Variants in CSMD1 observed in about 807,000 individuals in gnomAD.
CSMD1 encodes the protein CUB and Sushi multiple domains 1.
A neutral mutation model predicts 417.5 loss-of-function variants in CSMD1; 213 were observed. The ratio of observed to expected loss-of-function variants is 0.51; its 90% CI spans 0.46 to 0.57. The LOEUF (loss-of-function observed/expected upper bound fraction) is 0.57, where lower values mean the gene tolerates loss of function less well. CSMD1 is among the 20% of genes least tolerant of loss of function. The probability of loss-of-function intolerance (pLI) is 0.00; values close to 1 mark genes in which losing one functional copy is unlikely to be tolerated. For missense variants in CSMD1, 6,923 were observed against 4,529.7 expected (o/e 1.53, Z -15.17); for synonymous variants, 2,862 against 1,736.8 (o/e 1.65, Z -16.11).
rs74332673 is a variant in CSMD1 at position 4,943,217 on chromosome 8, C to G, written c.85+51115G>C. On this transcript the variant is annotated intron_variant, in intron 1 of 69. Transcript: ENST00000635120. The stretch of plus-strand genomic sequence containing the variant: ...TTGCACTTTATTTGAAAATCATGGC[C>G]GGGTGCAGTGGCTCATGCTTGTAAT... 2.0e-5 allele frequency among the ~76,000 whole-genome samples: 3 copies of G among 152,064 alleles called. No individual in the cohort carries two copies. In the South Asian group the frequency reaches 6.2e-4, roughly 31 times the overall value.
chr8:4,475,418 C>G lies in CSMD1; in HGVS notation c.303-55353G>C, dbSNP rs573896281. On this transcript the variant is annotated intron_variant, in intron 2 of 69. Coordinates refer to ENST00000635120, the MANE Select transcript of CSMD1 (RefSeq NM_033225.6). ...TCCTGAAAACTTGTTGAGTGTTTCTCTTTTTTAATATTCACCTGTGGCATC... is the reference window on the plus strand; with the variant it reads ...TCCTGAAAACTTGTTGAGTGTTTCTGTTTTTTAATATTCACCTGTGGCATC... Among the ~76,000 whole-genome samples the G allele has an allele frequency of 3.9e-5, 6 of 152,110 alleles. No individual in the cohort carries two copies. In the South Asian group the frequency reaches 6.2e-4, roughly 16 times the overall value.
At chr8:4,892,008 A>C (rs12541573) in intron 1 of CSMD1, among the ~76,000 whole-genome samples, 1,765 of 152,150 alleles carry the variant, frequency 0.012, 43 homozygotes, top group African/African-American at 0.04. Flanking sequence ...TAAACACTGT[A>C]ATGAGAGCAC....
chr8:3,831,885 AT>A (rs1203092787), intron 5 of CSMD1, among the ~76,000 whole-genome samples: 2 of 152,176 alleles, frequency 1.3e-5, no homozygotes, highest in East Asian at 3.9e-4. Flanking sequence ...AGGTCATACA[AT>A]ATGGTAACCC....
chr8:4,099,926 C>T (rs1317138335), intron 3 of CSMD1, among the ~76,000 whole-genome samples: 2 of 152,106 alleles, frequency 1.3e-5, no homozygotes, highest in South Asian at 4.1e-4. Context: ...AAAAAATCAA[C>T]AACAACAACA....
At chr8:4,737,670 G>T (rs915530845) in intron 1 of CSMD1, among the ~76,000 whole-genome samples, 1 of 152,118 alleles carries the variant, frequency 6.6e-6, no homozygotes, top group South Asian at 2.1e-4. Context: ...AGACAGGTTG[G>T]ATGAATGCAA....
At chr8:4,244,160 G>C (rs535023346) in intron 3 of CSMD1, among the ~76,000 whole-genome samples, 2 of 152,180 alleles carry the variant, frequency 1.3e-5, no homozygotes, top group Non-Finnish European at 2.9e-5. Flanking sequence ...GCTACAGGCA[G>C]CTCTGCAAGT....
chr8:3,176,514 T>C (rs1820945898), intron 37 of CSMD1, among the ~76,000 whole-genome samples: 1 of 152,134 alleles, frequency 6.6e-6, no homozygotes, highest in African/African-American at 2.4e-5. Context: ...TTCAAACCCC[T>C]AAGACCCTTA....
chr8:4,606,525 G>A (rs1056327645), intron 2 of CSMD1, among the ~76,000 whole-genome samples: 2 of 152,224 alleles, frequency 1.3e-5, no homozygotes, highest in East Asian at 1.9e-4. Context: ...AGACAACAGC[G>A]GCCAATGGCA....
chr8:4,860,510 A>C (rs1385468371), intron 1 of CSMD1, among the ~76,000 whole-genome samples: 1 of 151,876 alleles, frequency 6.6e-6, no homozygotes, highest in African/African-American at 2.4e-5. Context: ...CATGAGTAAA[A>C]GCTCTCTGAG....
intron 3 of CSMD1, among the ~76,000 whole-genome samples, chr8:4,079,343 T>C (rs1223620166): frequency 6.6e-6 from 1 of 152,166 alleles, no homozygotes; most frequent in Non-Finnish European, 1.5e-5. Context: ...TGGAACGAAA[T>C]ATACTTTCCA....
chr8:4,618,684 G>C (rs1210921512), intron 2 of CSMD1, among the ~76,000 whole-genome samples: 2 of 152,042 alleles, frequency 1.3e-5, no homozygotes, highest in East Asian at 1.9e-4. Flanking sequence ...CATCACTCTA[G>C]CTAAAATATT....
intron 3 of CSMD1, among the ~76,000 whole-genome samples, chr8:4,085,489 A>T (rs1168027576): frequency 1.3e-5 from 2 of 152,220 alleles, no homozygotes; most frequent in Non-Finnish European, 2.9e-5. Context: ...AACCCCTTGG[A>T]TACTCCAATT....
At chr8:4,988,374 C>T (rs1460109677) in intron 1 of CSMD1, among the ~76,000 whole-genome samples, 1 of 152,148 alleles carries the variant, frequency 6.6e-6, no homozygotes, top group Non-Finnish European at 1.5e-5. Context: ...CAAGCTAAAA[C>T]TAGTTCAGGA....
intron 1 of CSMD1, among the ~76,000 whole-genome samples, chr8:4,841,241 G>T (rs909574246): frequency 6.6e-6 from 1 of 152,312 alleles, no homozygotes; most frequent in Non-Finnish European, 1.5e-5. Context: ...CAAGTGCAAT[G>T]GCATGTTTCA....
intron 3 of CSMD1, among the ~76,000 whole-genome samples, chr8:4,039,377 G>A (rs975372284): frequency 6.6e-6 from 1 of 152,168 alleles, no homozygotes; most frequent in African/African-American, 2.4e-5. Context: ...CTCTCTCCTG[G>A]CTTTGGGAAG....
intron 12 of CSMD1, among the ~76,000 whole-genome samples, chr8:3,419,253 C>A (rs1052230490): frequency 8.5e-5 from 13 of 152,204 alleles, no homozygotes; most frequent in African/African-American, 2.7e-4. Flanking sequence ...TTACAATCTG[C>A]ACCAACCAGA....
At chr8:4,300,536 A>G (rs1797927032) in intron 3 of CSMD1, among the ~76,000 whole-genome samples, 1 of 151,928 alleles carries the variant, frequency 6.6e-6, no homozygotes, top group East Asian at 1.9e-4. Context: ...TTTTTTTTAC[A>G]TTTTATTATT....
At chr8:3,920,608 G>C (rs374697275) in intron 5 of CSMD1, among the ~76,000 whole-genome samples, 1 of 152,040 alleles carries the variant, frequency 6.6e-6, no homozygotes, top group South Asian at 2.1e-4. Context: ...CATTAGTTAT[G>C]GGCTTGTCAT....
intron 5 of CSMD1, among the ~76,000 whole-genome samples, chr8:3,995,125 A>C (rs1815102842): frequency 1.3e-5 from 2 of 152,192 alleles, no homozygotes; most frequent in African/African-American, 4.8e-5. Context: ...ATTACTGTAA[A>C]ATAATAGGCT....
Sources: allele counts gnomAD v4.1 joint callset (sites outside exome capture counted in the v4.1 genomes callset), GRCh38; gene constraint gnomAD v4.1.1; transcripts MANE v1.5; gene names NCBI Gene and HGNC (gene_info 2026-07-23, HGNC 2026-07-21).